Variants in CACHD1 observed in about 807,000 individuals in gnomAD.
CACHD1 encodes the protein cache domain containing 1.
In CACHD1, 71 loss-of-function variants were observed where a neutral mutation model predicts 138.7. The ratio of observed to expected loss-of-function variants is 0.51; its 90% CI spans 0.42 to 0.62. The LOEUF (loss-of-function observed/expected upper bound fraction) is 0.62. Ranked by LOEUF, CACHD1 falls within the 20% of genes least tolerant of loss-of-function variation. The probability of loss-of-function intolerance (pLI) is 0.00; values close to 1 mark genes in which losing one functional copy is unlikely to be tolerated. For synonymous variants in CACHD1, 578 were observed against 591.5 expected, an observed-to-expected ratio of 0.98 and a Z score of 0.33; for missense variants, 1,389 against 1,625.3, an observed-to-expected ratio of 0.85 and a Z score of 2.50.
chr1:64,647,046 T>A (rs1230924256), intron 8 of CACHD1, among the ~76,000 whole-genome samples: 1 of 151,082 alleles, frequency 6.6e-6, no homozygotes. Context: ...TTTGACTATG[T>A]TCCAACAATA....
intron 1 of CACHD1, among the ~76,000 whole-genome samples, chr1:64,496,278 G>T (rs1159331524): frequency 6.6e-6 from 1 of 152,096 alleles, no homozygotes; most frequent in East Asian, 1.9e-4. Context: ...TTGCTTTTTA[G>T]CTTATTATTA....
intron 4 of CACHD1, among the ~76,000 whole-genome samples, chr1:64,608,073 A>AT (rs1165032620): frequency 6.6e-6 from 1 of 152,130 alleles, no homozygotes; most frequent in South Asian, 2.1e-4. Flanking sequence ...CAGATCTTGA[A>AT]TTTTTATATT....
At chr1:64,479,911 G>T (rs535208184) in intron 1 of CACHD1, among the ~76,000 whole-genome samples, 2 of 152,306 alleles carry the variant, frequency 1.3e-5, no homozygotes, top group Non-Finnish European at 2.9e-5. Context: ...ACAAAAATCT[G>T]GAGAAAGCTT....
chr1:64,671,351 C>T (rs1238861183), intron 16 of CACHD1, among the ~76,000 whole-genome samples: 1 of 152,152 alleles, frequency 6.6e-6, no homozygotes, highest in East Asian at 1.9e-4. Flanking sequence ...CTTATTTATA[C>T]AGTCCTACAT....
Position 64,470,798 on chromosome 1 carries a change from G to GCC in CACHD1, c.57_58dup (p.Leu20ProfsTer70). On this transcript the variant is annotated frameshift_variant, in exon 1 of 27. Transcript: ENST00000651257. LOFTEE classifies it high-confidence loss of function. The surrounding 1 kb of genome is among the most constrained non-coding windows in gnomAD (Gnocchi z 5.2). Reference sequence around the variant, plus strand: ...CGGCCGTGGCCCGGGCGCGGCGGCCGCCCCTCTGGCTGCTCTGCCTGGTCG... The same window carrying GCC: ...CGGCCGTGGCCCGGGCGCGGCGGCCGCCCCCCTCTGGCTGCTCTGCCTGGTCG... 8.0e-7 allele frequency: 1 copy of GCC among 1,255,802 alleles called. No individual in the cohort carries two copies. The highest frequency in any genetic ancestry group is 1.1e-6 in the Non-Finnish European group (1 of 901,980). The allele number at this position is 1,255,802 out of a possible 1,614,324, so 77.8% of individuals were successfully genotyped here. A position where few individuals can be genotyped will look rare whatever the true frequency, so the allele number is the denominator to read the frequency against.
At chr1:64,555,532 G>A (rs1020486260) in intron 2 of CACHD1, among the ~76,000 whole-genome samples, 1 of 152,046 alleles carries the variant, frequency 6.6e-6, no homozygotes, top group Non-Finnish European at 1.5e-5. Flanking sequence ...GGATTCTTCT[G>A]CCCTTAGCCT....
At chr1:64,487,712 A>G (rs1179315556) in intron 1 of CACHD1, among the ~76,000 whole-genome samples, 1 of 152,212 alleles carries the variant, frequency 6.6e-6, no homozygotes, top group Non-Finnish European at 1.5e-5. Flanking sequence ...AAGGAAATGC[A>G]TGGTGGTGTT....
intron 5 of CACHD1, among the ~76,000 whole-genome samples, chr1:64,629,915 G>A (rs997569931): frequency 6.6e-6 from 1 of 152,004 alleles, no homozygotes; most frequent in African/African-American, 2.4e-5. Flanking sequence ...AAATTTACAT[G>A]CAGATTTTAA....
chr1:64,645,303 A>G (rs1012909921), intron 8 of CACHD1, among the ~76,000 whole-genome samples: 2 of 152,130 alleles, frequency 1.3e-5, no homozygotes, highest in Non-Finnish European at 2.9e-5. Flanking sequence ...TTTATTATAT[A>G]TTTTAAAATA....
chr1:64,568,396 C>CCCCAGCAATTCAT (rs1553134039), intron 2 of CACHD1, among the ~76,000 whole-genome samples: 2 of 151,982 alleles, frequency 1.3e-5, no homozygotes, highest in Non-Finnish European at 2.9e-5. Flanking sequence ...ATATAGCAAC[C>CCCCAGCAATTCAT]CTTAGATACC....
At chr1:64,510,913 G>C (rs72673321) in intron 1 of CACHD1, among the ~76,000 whole-genome samples, 1 of 152,158 alleles carries the variant, frequency 6.6e-6, no homozygotes, top group Non-Finnish European at 1.5e-5. Flanking sequence ...GTAATGAGGG[G>C]AATATCTATG....
At chr1:64,679,255 C>T (rs1447920628) in intron 23 of CACHD1, among the ~76,000 whole-genome samples, 4 of 152,204 alleles carry the variant, frequency 2.6e-5, no homozygotes, top group Non-Finnish European at 5.9e-5. Context: ...GACTTTTCCT[C>T]TCTTCCAAGA....
rs1647315182 is a variant in CACHD1 at position 64,605,710 on chromosome 1, C to T, written c.517+2798C>T. 2.0e-5 allele frequency among the ~76,000 whole-genome samples: 3 copies of T among 152,154 alleles called. No individual in the cohort carries two copies. In the South Asian group the frequency reaches 6.2e-4, roughly 32 times the overall value. On this transcript the variant is annotated intron_variant, in intron 4 of 26. Transcript: ENST00000651257. Reference sequence around the variant, plus strand: ...GCCAAGACCACCCACATCAGTGGGTCGGTCAGATCTTGGAGGATCTGGAGG... The same window carrying T: ...GCCAAGACCACCCACATCAGTGGGTTGGTCAGATCTTGGAGGATCTGGAGG...
At chr1:64,501,725 A>G (rs769876658) in intron 1 of CACHD1, among the ~76,000 whole-genome samples, 12 of 152,232 alleles carry the variant, frequency 7.9e-5, no homozygotes, top group Non-Finnish European at 1.8e-4. Context: ...TGCAAGGTGT[A>G]GAAGGATGGC....
At chr1:64,653,709 T>C in intron 10 of CACHD1, 49 bp from the exon 11 acceptor site, 1 of 1,591,578 alleles carries the variant, frequency 6.3e-7, no homozygotes, top group Non-Finnish European at 8.6e-7. Flanking sequence ...GATTCAGAAC[T>C]TCCTACAACA....
intron 1 of CACHD1, among the ~76,000 whole-genome samples, chr1:64,519,634 G>A (rs1646483305): frequency 6.8e-6 from 1 of 146,982 alleles, no homozygotes; most frequent in Non-Finnish European, 1.5e-5. Context: ...AGCAGTTCTA[G>A]TTCACCAGAG....
chr1:64,673,297 C>G (rs755930076), intron 18 of CACHD1, 40 bp downstream of exon 18: 2 of 1,611,586 alleles, frequency 1.2e-6, no homozygotes, highest in African/African-American at 2.7e-5. Flanking sequence ...TCTCCAACCT[C>G]CTGCAGCTCA....
At chr1:64,579,284 G>A (rs1282358238) in intron 2 of CACHD1, among the ~76,000 whole-genome samples, 2 of 152,164 alleles carry the variant, frequency 1.3e-5, no homozygotes, top group Non-Finnish European at 2.9e-5. Context: ...AAGAGGCAGT[G>A]GACCAGATTG....
At chr1:64,486,399 TAC>T (rs1174652990) in intron 1 of CACHD1, among the ~76,000 whole-genome samples, 10 of 143,996 alleles carry the variant, frequency 6.9e-5, no homozygotes, top group African/African-American at 1.5e-4. Flanking sequence ...CACATACACA[TAC>T]ACACACACAC....
Sources: allele counts gnomAD v4.1 joint callset (sites outside exome capture counted in the v4.1 genomes callset), GRCh38; gene constraint gnomAD v4.1.1; non-coding constraint Gnocchi (gnomAD v3.1); transcripts MANE v1.5; gene names NCBI Gene and HGNC (gene_info 2026-07-23, HGNC 2026-07-21).